Variants in FARSB observed in about 807,000 individuals in gnomAD.
FARSB encodes phenylalanine--tRNA ligase beta subunit.
A neutral mutation model predicts 69.6 loss-of-function variants in FARSB; 40 were observed. The ratio of observed to expected loss-of-function variants is 0.57; its 90% CI spans 0.45 to 0.75. The LOEUF (loss-of-function observed/expected upper bound fraction) is 0.75. FARSB is among the 30% of genes least tolerant of loss of function. The pLI is 0.00. For missense variants in FARSB, 632 were observed against 722.9 expected (o/e 0.87, Z 1.44); for synonymous variants, 235 against 247.2 (o/e 0.95, Z 0.46).
rs76626924 is a variant in FARSB at position 222,645,127 on chromosome 2, G to C, written c.115-2122C>G. ...AATTTAAAATCACATAAATTTCAGA[G>C]TCAAAAAAGAAAACCATAAAGATCA... On this transcript the variant is annotated intron_variant, in intron 2 of 16. Coordinates refer to ENST00000281828, the MANE Select transcript of FARSB (RefSeq NM_005687.5). Among the ~76,000 whole-genome samples, 1,201 of 152,166 alleles carry C rather than the reference G, an allele frequency of 7.9e-3. 15 individuals are homozygous for C. Among genetic ancestry groups the C allele is most frequent in the African/African-American group, 0.027 (1,111 of 41,504 alleles).
intron 15 of FARSB, among the ~76,000 whole-genome samples, chr2:222,607,886 G>T (rs1232401001): frequency 6.6e-6 from 1 of 151,742 alleles, no homozygotes; most frequent in Non-Finnish European, 1.5e-5. Context: ...CCTTCTCAAC[G>T]CATGAAGGAA....
chr2:222,590,644 T>C (rs1690245504), intron 16 of FARSB, among the ~76,000 whole-genome samples: 1 of 152,092 alleles, frequency 6.6e-6, no homozygotes, highest in African/African-American at 2.4e-5. Flanking sequence ...TTTTGTGTGA[T>C]GATATTGCAG....
chr2:222,628,750 T>C (rs1490978444), intron 10 of FARSB, 87 bp downstream of exon 10: 3 of 887,052 alleles, frequency 3.4e-6, no homozygotes, highest in Non-Finnish European at 5.5e-6. Context: ...AGGTAGGGGA[T>C]GGATAGACAG....
intron 15 of FARSB, among the ~76,000 whole-genome samples, chr2:222,607,573 T>A (rs1419718540): frequency 6.6e-6 from 1 of 151,572 alleles, no homozygotes; most frequent in East Asian, 1.9e-4. Flanking sequence ...AATAAAAGCA[T>A]AACATATGCT....
chr2:222,589,543 C>G (rs1690209025), intron 16 of FARSB, among the ~76,000 whole-genome samples: 1 of 145,384 alleles, frequency 6.9e-6, no homozygotes, highest in Non-Finnish European at 1.5e-5. Context: ...AGCTTCTGCA[C>G]AGCAAAAGAA....
At chr2:222,638,562 A>T (rs909715228) in intron 5 of FARSB, among the ~76,000 whole-genome samples, 9 of 152,322 alleles carry the variant, frequency 5.9e-5, no homozygotes, top group African/African-American at 2.2e-4. Flanking sequence ...ATATACAAGG[A>T]CTGGGAATAA....
At chr2:222,632,144 A>T (rs1390553307) in intron 7 of FARSB, among the ~76,000 whole-genome samples, 2 of 147,332 alleles carry the variant, frequency 1.4e-5, no homozygotes, top group African/African-American at 5.2e-5. Flanking sequence ...TAAAAATAAT[A>T]AAAAAAAAAC....
chr2:222,633,979 T>C (rs938975605), intron 6 of FARSB, among the ~76,000 whole-genome samples: 4 of 152,210 alleles, frequency 2.6e-5, no homozygotes, highest in Admixed American at 2.0e-4. Context: ...TTTCTACTTA[T>C]TAAATACAAT....
At chr2:222,588,352 A>G (rs564495524) in intron 16 of FARSB, among the ~76,000 whole-genome samples, 143 of 152,270 alleles carry the variant, frequency 9.4e-4, no homozygotes, top group Non-Finnish European at 1.7e-3. Context: ...GTATTGATGG[A>G]ACATATCTCA....
At chr2:222,609,608 A>G (rs556154527) in intron 15 of FARSB, among the ~76,000 whole-genome samples, 284 of 152,302 alleles carry the variant, frequency 1.9e-3, no homozygotes, top group African/African-American at 6.7e-3. Flanking sequence ...TCATATCTAG[A>G]GTCTCAATAA....
chr2:222,624,933 G>A (rs1691230449), intron 10 of FARSB, among the ~76,000 whole-genome samples, 158 bp from the exon 11 acceptor site: 1 of 152,142 alleles, frequency 6.6e-6, no homozygotes, highest in Non-Finnish European at 1.5e-5. Flanking sequence ...ACAGTATTAT[G>A]AGGGATAAAT....
At chr2:222,584,040 G>A (rs952618731) in intron 16 of FARSB, among the ~76,000 whole-genome samples, 1 of 152,094 alleles carries the variant, frequency 6.6e-6, no homozygotes, top group Non-Finnish European at 1.5e-5. Context: ...AAGGACAATT[G>A]ATAAAACTTG....
At chr2:222,583,079 A>G (rs905207313) in intron 16 of FARSB, among the ~76,000 whole-genome samples, 6 of 152,178 alleles carry the variant, frequency 3.9e-5, no homozygotes, top group African/African-American at 1.4e-4. Context: ...ACATGGACAC[A>G]GGGAGGGGAA....
intron 16 of FARSB, among the ~76,000 whole-genome samples, chr2:222,580,190 G>A (rs1411373310): frequency 1.3e-5 from 2 of 151,962 alleles, no homozygotes; most frequent in Middle Eastern, 3.4e-3. Context: ...TTTTTCAAGT[G>A]AGTTTGTATT....
chr2:222,640,022 A>G (rs548002216), intron 4 of FARSB, among the ~76,000 whole-genome samples: 4 of 152,376 alleles, frequency 2.6e-5, no homozygotes, highest in South Asian at 2.1e-4. Context: ...TTAAACAATT[A>G]TATCTCAAAT....
intron 16 of FARSB, among the ~76,000 whole-genome samples, chr2:222,577,402 C>T (rs1689864861): frequency 6.6e-6 from 1 of 152,086 alleles, no homozygotes; most frequent in African/African-American, 2.4e-5. Flanking sequence ...AAAGAAAACC[C>T]CCTCACACAA....
At chr2:222,611,066 A>T (rs1690836367) in intron 15 of FARSB, among the ~76,000 whole-genome samples, 1 of 152,214 alleles carries the variant, frequency 6.6e-6, no homozygotes. Flanking sequence ...ATCCAGGCCT[A>T]CCTAAACAGA....
intron 16 of FARSB, 111 bp downstream of exon 16, chr2:222,599,817 C>A: frequency 2.5e-6 from 2 of 789,870 alleles, no homozygotes; most frequent in Non-Finnish European, 4.0e-6. Context: ...TGAAATAAAA[C>A]TCTCCCTTTC....
At chr2:222,642,742 C>T (rs16863954) in intron 3 of FARSB, 109 bp downstream of exon 3, 19,459 of 738,644 alleles carry the variant, frequency 0.026, 405 homozygotes, top group African/African-American at 0.08. Context: ...GCTAAAGCTA[C>T]GTTCCTCTAC....
Sources: gnomAD v4.1 joint callset for allele counts (sites outside exome capture counted in the v4.1 genomes callset) on GRCh38, gnomAD v4.1.1 for gene constraint, MANE v1.5 for transcripts, NCBI Gene and HGNC (gene_info 2026-07-23, HGNC 2026-07-21) for gene names.